ZFAT: variants seen among roughly 807,000 people sequenced by gnomAD.
The protein encoded by ZFAT is zinc finger protein ZFAT.
ZFAT carries 64 observed loss-of-function variants against 117.7 expected under a neutral mutation model. The observed-to-expected ratio is 0.54, with a 90% CI of 0.44 to 0.67. ZFAT has a LOEUF of 0.67. Among genes scored for constraint, ZFAT ranks in the 30% least tolerant of loss-of-function variants. The pLI is 0.00. For synonymous variants in ZFAT, 679 were observed against 615.0 expected (o/e 1.10, Z -1.54); for missense variants, 1,433 against 1,584.5 (o/e 0.90, Z 1.62).
intron 15 of ZFAT, among the ~76,000 whole-genome samples, chr8:134,482,097 G>C (rs1318549085): frequency 6.6e-6 from 1 of 152,148 alleles, no homozygotes; most frequent in Non-Finnish European, 1.5e-5. Flanking sequence ...ACTGCAGGGT[G>C]GCTCACTGCT....
chr8:134,604,955 A>C (rs1176472952), intron 5 of ZFAT, among the ~76,000 whole-genome samples: 1 of 152,260 alleles, frequency 6.6e-6, no homozygotes, highest in African/African-American at 2.4e-5. Context: ...TTAAATAAAT[A>C]AATCAAGACT....
intron 1 of ZFAT, among the ~76,000 whole-genome samples, chr8:134,676,850 G>A (rs559792952): frequency 2.6e-5 from 4 of 152,146 alleles, no homozygotes; most frequent in South Asian, 4.2e-4. Context: ...ATGACTACTG[G>A]GTACATCACA....
intron 15 of ZFAT, among the ~76,000 whole-genome samples, chr8:134,499,712 G>A (rs1234656285): frequency 1.3e-5 from 2 of 152,244 alleles, no homozygotes; most frequent in Non-Finnish European, 2.9e-5. Context: ...TTTCTCACAA[G>A]CCCCCTGATG....
the ZFAT span, among the ~76,000 whole-genome samples, chr8:134,751,935 G>A: frequency 6.6e-6 from 1 of 152,182 alleles, no homozygotes; most frequent in African/African-American, 2.4e-5. Context: ...TTGCACACCA[G>A]GGAATCCACC....
At chr8:134,716,282 CTAAA>C (rs1814211237), upstream of ZFAT, among the ~76,000 whole-genome samples, 1 of 151,782 alleles carries the variant, frequency 6.6e-6, no homozygotes, top group South Asian at 2.1e-4. Context: ...AGTTAAAAAT[CTAAA>C]TAGGCACATT....
the ZFAT span, among the ~76,000 whole-genome samples, chr8:134,790,080 T>C: frequency 7.4e-4 from 113 of 152,324 alleles, no homozygotes; most frequent in African/African-American, 2.7e-3. Context: ...ATGGTAGAAA[T>C]TTTTATTAGT....
intron 3 of ZFAT, among the ~76,000 whole-genome samples, chr8:134,618,510 C>T (rs1294089698): frequency 1.3e-5 from 2 of 152,176 alleles, no homozygotes; most frequent in Non-Finnish European, 2.9e-5. Context: ...GATTTCAAGT[C>T]TGCCTCTTCA....
chr8:134,729,572 A>G, the ZFAT span, among the ~76,000 whole-genome samples: 1 of 152,034 alleles, frequency 6.6e-6, no homozygotes, highest in African/African-American at 2.4e-5. Flanking sequence ...TGACCTTGTG[A>G]TCCACCCACC....
At chr8:134,773,984 A>T in the ZFAT span, among the ~76,000 whole-genome samples, 96 of 103,272 alleles carry the variant, frequency 9.3e-4, no homozygotes, top group African/African-American at 3.2e-3. Context: ...TTGAGGATTA[A>T]TTTTTTTTTT....
At chr8:134,649,310 C>T (rs1831095968) in intron 2 of ZFAT, among the ~76,000 whole-genome samples, 1 of 151,772 alleles carries the variant, frequency 6.6e-6, no homozygotes. Context: ...AGTTTCTTGC[C>T]AGGGAAATTG....
intron 2 of ZFAT, among the ~76,000 whole-genome samples, chr8:134,648,089 A>G (rs558055832): frequency 1.3e-5 from 2 of 152,078 alleles, no homozygotes; most frequent in Non-Finnish European, 2.9e-5. Context: ...AGATGTGTTA[A>G]CTAACCTGAT....
chr8:134,637,389 A>G, intron 3 of ZFAT, 72 bp downstream of exon 3: 1 of 1,542,506 alleles, frequency 6.5e-7, no homozygotes, highest in Non-Finnish European at 8.8e-7. Flanking sequence ...AAACTGACCC[A>G]GTGAAACCTG....
At chr8:134,489,328 C>A (rs2130113358) in intron 15 of ZFAT, among the ~76,000 whole-genome samples, 1 of 152,090 alleles carries the variant, frequency 6.6e-6, no homozygotes, top group South Asian at 2.1e-4. Context: ...TCTATCTGAG[C>A]CCTGCCCATT....
At chr8:134,649,163 T>TCACA (rs1171134808) in intron 2 of ZFAT, among the ~76,000 whole-genome samples, 1 of 80,254 alleles carries the variant, frequency 1.2e-5, no homozygotes, top group Non-Finnish European at 2.3e-5. Context: ...AACATCTATC[T>TCACA]CTCACACACA....
intron 11 of ZFAT, 106 bp from the exon 12 acceptor site, chr8:134,533,078 C>A: frequency 6.8e-7 from 1 of 1,462,258 alleles, no homozygotes; most frequent in Middle Eastern, 2.1e-4. Context: ...CTGAGATGAG[C>A]AGGCCCCATC....
Position 134,583,888 on chromosome 8 carries a change from T to C in ZFAT, c.2831A>G (p.Lys944Arg), listed in dbSNP as rs747380490. 2.5e-6 allele frequency: 4 copies of C among 1,612,746 alleles called. No homozygotes were observed. The highest frequency in any genetic ancestry group is 3.4e-6 in the Non-Finnish European group (4 of 1,179,450). Residue 944 changes from lysine to arginine, a missense_variant, in exon 10 of 16, where the codon AAG becomes AGG. Lys to Arg is a conservative substitution (Grantham distance 26). This residue lies in a region of ZFAT where 503 missense variants were observed against 543.4 expected (regional missense o/e 0.93). Coordinates refer to ENST00000377838, the MANE Select transcript of ZFAT (RefSeq NM_020863.4). ...CAGTGTCCCTTTTGATTTGAATTTCTTGCCACACATGTCACATAGGTGGGT... is the reference window on the plus strand; with the variant it reads ...CAGTGTCCCTTTTGATTTGAATTTCCTGCCACACATGTCACATAGGTGGGT... Reference protein sequence around the residue: ...EKTHLCDMCGKKFKSKGTLKS... With the variant: ...EKTHLCDMCGRKFKSKGTLKS...
At chr8:134,535,498 C>T (rs1563819822) in intron 11 of ZFAT, among the ~76,000 whole-genome samples, 3 of 124,576 alleles carry the variant, frequency 2.4e-5, no homozygotes, top group Non-Finnish European at 3.4e-5. Context: ...TCCCCCTCCC[C>T]CTCCCTCTCC....
At chr8:134,610,818 C>T (rs1421361051) in intron 3 of ZFAT, among the ~76,000 whole-genome samples, 163 bp from the exon 4 acceptor site, 1 of 152,198 alleles carries the variant, frequency 6.6e-6, no homozygotes, top group African/African-American at 2.4e-5. Flanking sequence ...TGGCTCTTCA[C>T]TGCTTCACTC....
intron 1 of ZFAT, 113 bp downstream of exon 1, chr8:134,712,718 CGCGGCCGGCGGCCG>C (rs753541906): frequency 0.042 from 34,290 of 823,972 alleles, 1,199 homozygotes; most frequent in Non-Finnish European, 0.045. Context: ...CGGATCCCTC[CGCGGCCGGCGGCCG>C]GCGGCCGGCG....
Sources: allele counts gnomAD v4.1 joint callset (sites outside exome capture counted in the v4.1 genomes callset), GRCh38; gene constraint gnomAD v4.1.1; regional missense constraint gnomAD v4.1.1; transcripts MANE v1.5; gene names NCBI Gene and HGNC (gene_info 2026-07-23, HGNC 2026-07-21).